Variants in DYSF observed in about 807,000 individuals in gnomAD.
DYSF encodes the protein dysferlin.
A neutral mutation model predicts 274.9 loss-of-function variants in DYSF; 212 were observed. The observed-to-expected ratio is 0.77, with a 90% CI of 0.69 to 0.86. DYSF has a LOEUF of 0.86. Ranked by LOEUF, DYSF falls within the 40% of genes least tolerant of loss-of-function variation. The pLI, the probability that DYSF is intolerant of heterozygous loss-of-function variation, is 0.00. For missense variants in DYSF, 2,666 were observed against 2,783.2 expected (o/e 0.96, Z 0.95); for synonymous variants, 1,091 against 1,078.7 (o/e 1.01, Z -0.22).
intron 41 of DYSF, among the ~76,000 whole-genome samples, chr2:71,636,016 G>A (rs2094396900): frequency 6.6e-6 from 1 of 152,086 alleles, no homozygotes; most frequent in South Asian, 2.1e-4. Flanking sequence ...GTGGCTTAGG[G>A]ATCTATCAGG....
intron 23 of DYSF, among the ~76,000 whole-genome samples, chr2:71,562,332 G>A (rs1417416780): frequency 6.6e-6 from 1 of 152,052 alleles, no homozygotes. Flanking sequence ...GTCTGCACCT[G>A]GCCAACAACC....
chr2:71,504,819 G>A (rs1445756361), intron 4 of DYSF, among the ~76,000 whole-genome samples: 1 of 152,184 alleles, frequency 6.6e-6, no homozygotes, highest in Non-Finnish European at 1.5e-5. Context: ...TTCATGAGCC[G>A]TGTCAGGCTG....
At chr2:71,624,573 A>C (rs1179683413) in intron 41 of DYSF, among the ~76,000 whole-genome samples, 1 of 152,180 alleles carries the variant, frequency 6.6e-6, no homozygotes, top group Non-Finnish European at 1.5e-5. Context: ...ATGAACTTAA[A>C]TTATGCAATT....
chr2:71,479,725 C>T (rs898103750), intron 1 of DYSF, among the ~76,000 whole-genome samples: 10 of 152,176 alleles, frequency 6.6e-5, no homozygotes, highest in African/African-American at 2.4e-4. Flanking sequence ...TGCCGTGCAT[C>T]GTCTGGGGCA....
intron 10 of DYSF, among the ~76,000 whole-genome samples, chr2:71,517,733 G>A (rs979067568): frequency 4.6e-5 from 7 of 151,898 alleles, no homozygotes; most frequent in African/African-American, 9.7e-5. Context: ...TATTTCAGAC[G>A]TCCTGAGAAT....
At chr2:71,547,683 T>A (rs2090588903) in intron 17 of DYSF, among the ~76,000 whole-genome samples, 1 of 152,186 alleles carries the variant, frequency 6.6e-6, no homozygotes, top group South Asian at 2.1e-4. Flanking sequence ...GGTGAATTAA[T>A]GAAAAGGTGT....
exon 1 of DYSF, chr2:71,453,721 G>A (rs1477070599): frequency 1.9e-6 from 1 of 515,624 alleles, no homozygotes; most frequent in Admixed American, 3.2e-5. Flanking sequence ...AAGGGCGGCG[G>A]GGGTGGAAGA....
intron 4 of DYSF, among the ~76,000 whole-genome samples, chr2:71,507,223 A>G (rs1306494593): frequency 3.3e-5 from 5 of 152,112 alleles, no homozygotes; most frequent in Non-Finnish European, 7.4e-5. Flanking sequence ...AGTGGATAGC[A>G]GGGTGAGCCC....
exon 1 of DYSF, chr2:71,453,922 A>C: frequency 6.9e-7 from 1 of 1,443,866 alleles, no homozygotes; most frequent in Non-Finnish European, 9.7e-7. Flanking sequence ...GGGGACCCAC[A>C]AGCGGCGCCT....
In DYSF at chr2:71,611,572, C is replaced by T. The variant is rs2152875387; in HGVS notation, c.4167C>T (p.Ile1389=). ...CGGQTVQSCV[I]RNLRKNPNFD... ...GCCAGACGGTGCAGTCCTGTGTCAT[C>T]AGGAACCTCCGGAAGAACCCCAACT... The change falls in exon 38 of 56, where the codon ATC becomes ATT. Residue 1389 remains isoleucine (I), a synonymous_variant. Transcript: ENST00000410020. The T allele has an allele frequency of 6.2e-7, 1 of 1,614,152 alleles. No individual in the cohort carries two copies. Among genetic ancestry groups the T allele is most frequent in the South Asian group, 1.1e-5 (1 of 91,078 alleles).
chr2:71,567,022 G>A (rs181909649), intron 24 of DYSF, among the ~76,000 whole-genome samples: 4 of 152,316 alleles, frequency 2.6e-5, no homozygotes, highest in East Asian at 3.9e-4. Flanking sequence ...ATACTGCTCT[G>A]AGCTCATGAC....
Position 71,466,944 on chromosome 2 carries a change from C to A in DYSF, c.91+11C>A. 6.5e-7 allele frequency: 1 copy of A among 1,548,572 alleles called. No homozygotes were observed. The highest frequency in any genetic ancestry group is 8.7e-7 in the Non-Finnish European group (1 of 1,145,096). On this transcript the variant is annotated intron_variant, in intron 1 of 55. Coordinates refer to ENST00000410020, the MANE Select transcript of DYSF (RefSeq NM_001130987.2). ...GCCTGACTTTCCGAGGTGAGAGCCC[C>A]GTGGCTGCCGCGCCCATGCTCGGGT...
At chr2:71,549,462 C>A in intron 17 of DYSF, 1 of 1,481,416 alleles carries the variant, frequency 6.8e-7, no homozygotes, top group Admixed American at 1.8e-5. Flanking sequence ...GGCGAGGGTG[C>A]TGGAGGCATG....
chr2:71,601,652 CTCTT>C (rs1220408327), intron 35 of DYSF, 124 bp downstream of exon 35: 31 of 1,324,098 alleles, frequency 2.3e-5, no homozygotes, highest in Admixed American at 1.8e-5. Flanking sequence ...CCCGGGGAAG[CTCTT>C]TCAAGCAGAG....
At chr2:71,618,180 G>T (rs1452081291) in intron 40 of DYSF, among the ~76,000 whole-genome samples, 7 of 132,664 alleles carry the variant, frequency 5.3e-5, no homozygotes, top group South Asian at 2.6e-4. Context: ...GGTAGAGGTG[G>T]GGTATAAGTG....
intron 36 of DYSF, among the ~76,000 whole-genome samples, chr2:71,605,677 T>C (rs974209088): frequency 1.3e-5 from 2 of 152,060 alleles, no homozygotes; most frequent in Non-Finnish European, 2.9e-5. Flanking sequence ...CAGATACCAC[T>C]CCATCCACCC....
At chr2:71,571,008 C>T (rs1189080520) in intron 29 of DYSF, 3 of 467,758 alleles carry the variant, frequency 6.4e-6, no homozygotes, top group Non-Finnish European at 1.1e-5. Context: ...CTGGGAACAC[C>T]CACAGATCAC....
chr2:71,477,656 G>C (rs2082499294), intron 1 of DYSF, among the ~76,000 whole-genome samples: 1 of 152,216 alleles, frequency 6.6e-6, no homozygotes, highest in African/African-American at 2.4e-5. Context: ...AATGACCAAT[G>C]CAACTGTTAC....
rs528087548 is a variant in DYSF, at chr2:71,564,219, T to C, written c.2565+6T>C. On this transcript the variant is annotated splice_donor_region_variant and intron_variant, in intron 24 of 55. Transcript: ENST00000410020. ...TACAGACAATCTTTCTGAAAGTGAGTTTTCTTTTTTCCCAAGTCATGATCG... is the reference window on the plus strand; with the variant it reads ...TACAGACAATCTTTCTGAAAGTGAGCTTTCTTTTTTCCCAAGTCATGATCG... 1 of 1,614,102 alleles carries C rather than the reference T, an allele frequency of 6.2e-7. No individual in the cohort carries two copies. Among genetic ancestry groups the C allele is most frequent in the South Asian group, 1.1e-5 (1 of 91,078 alleles).
Sources: gnomAD v4.1 joint callset for allele counts (sites outside exome capture counted in the v4.1 genomes callset) on GRCh38, gnomAD v4.1.1 for gene constraint, MANE v1.5 for transcripts, NCBI Gene and HGNC (gene_info 2026-07-23, HGNC 2026-07-21) for gene names.